PAPPA: variants seen among roughly 807,000 people sequenced by gnomAD.
PAPPA encodes the protein pappalysin 1, also known as pappalysin-1.
A neutral mutation model predicts 164.0 loss-of-function variants in PAPPA; 60 were observed. That is an observed-to-expected ratio of 0.37 (90% CI 0.30 to 0.45). PAPPA has a LOEUF of 0.45. Ranked by LOEUF, PAPPA falls within the 20% of genes least tolerant of loss-of-function variation. PAPPA has a pLI of 1.00. For synonymous variants in PAPPA, 875 were observed against 814.1 expected, an observed-to-expected ratio of 1.07 and a Z score of -1.27; for missense variants, 1,782 against 2,087.3, an observed-to-expected ratio of 0.85 and a Z score of 2.85.
intron 18 of PAPPA, among the ~76,000 whole-genome samples, chr9:116,364,693 T>C (rs1048844835): frequency 3.1e-4 from 47 of 152,164 alleles, no homozygotes; most frequent in Non-Finnish European, 5.6e-4. Context: ...TTTATTCAGA[T>C]GTCTCAACTG....
intron 4 of PAPPA, among the ~76,000 whole-genome samples, chr9:116,212,572 G>C (rs896006588): frequency 1.3e-5 from 2 of 152,152 alleles, no homozygotes; most frequent in Non-Finnish European, 2.9e-5. Context: ...TGGCAGGCCA[G>C]CATCAAATTC....
intron 16 of PAPPA, among the ~76,000 whole-genome samples, chr9:116,353,403 TG>T (rs1846309897): frequency 6.6e-6 from 1 of 152,204 alleles, no homozygotes; most frequent in Non-Finnish European, 1.5e-5. Flanking sequence ...TCAATCTACA[TG>T]TAGCTGGAAG....
intron 1 of PAPPA, among the ~76,000 whole-genome samples, chr9:116,163,994 A>T (rs1843695775): frequency 6.6e-6 from 1 of 152,212 alleles, no homozygotes; most frequent in Admixed American, 6.5e-5. Context: ...CCCCACAAAT[A>T]TCCAGAAAAC....
Position 116,211,820 on chromosome 9 carries a change from T to C in PAPPA, c.1806T>C (p.Asp602=). Residue 602 remains aspartate (D), a synonymous_variant, in exon 4 of 22, where the codon GAT becomes GAC. Coordinates refer to ENST00000328252, the MANE Select transcript of PAPPA (RefSeq NM_002581.5). Reference sequence around the variant, plus strand: ...TCGAGACTGGAGACCTCTGCAATGATACCAACCCAGCCCCTAAACACAAGT... The same window carrying C: ...TCGAGACTGGAGACCTCTGCAATGACACCAACCCAGCCCCTAAACACAAGT... ...PSFETGDLCN[D]TNPAPKHKSC... is the part of the protein sequence containing the mutation. 1.9e-6 allele frequency: 3 copies of C among 1,614,082 alleles called. No homozygotes were observed. Among genetic ancestry groups the C allele is most frequent in the Non-Finnish European group, 2.5e-6 (3 of 1,179,984 alleles).
chr9:116,337,708 GC>G (rs1158718526), intron 13 of PAPPA, among the ~76,000 whole-genome samples: 1 of 132,130 alleles, frequency 7.6e-6, no homozygotes, highest in East Asian at 2.1e-4. Flanking sequence ...TCTCTCCCCC[GC>G]CCCCCACCTT....
At position 116,334,776 on chromosome 9, in the gene PAPPA, G is replaced by T. The variant is rs910761854; in HGVS notation, c.3398-85G>T. The T allele has an allele frequency of 8.9e-4, 833 of 939,454 alleles. 9 individuals are homozygous for T. Among genetic ancestry groups the T allele is most frequent in the Non-Finnish European group, 1.5e-4 (88 of 594,066 alleles). 58.2% of individuals were successfully genotyped at this position (939,454 alleles called of 1,614,324 possible). ...GTGCAGTGACATGAAAGGGTCTGGG[G>T]GCTTCGGGAAGGGCCCGTTGGGGAG... On this transcript the variant is annotated intron_variant, in intron 12 of 21. Transcript: ENST00000328252.
Position 116,345,437 on chromosome 9 carries a change from A to G in PAPPA, c.3780+726A>G, listed in dbSNP as rs1294611129. Among the ~76,000 whole-genome samples, 9 of 7,756 alleles carry G rather than the reference A, an allele frequency of 1.2e-3. 1 individual carries two copies. The highest frequency in any genetic ancestry group is 3.7e-3 in the Non-Finnish European group (9 of 2,424). The allele number at this position is 7,756 out of a possible 152,430, so 5.1% of individuals were successfully genotyped here. On this transcript the variant is annotated intron_variant, in intron 14 of 21. Transcript: ENST00000328252. ...TAGTATGTGGAAGCACATTGATGAG[A>G]AAAAAAAAAAAAAAAACATGCCACA...
Position 116,396,645 on chromosome 9 carries a change from C to A in PAPPA, c.*29C>A. On this transcript the variant is annotated 3_prime_UTR_variant, in exon 22 of 22. Coordinates refer to ENST00000328252, the MANE Select transcript of PAPPA (RefSeq NM_002581.5). The stretch of plus-strand genomic sequence containing the variant: ...AGGACAAGAAGTTGTCAAAGAATTC[C>A]CAACGCCAGGACCCACATCCCTTTG... 1.3e-6 allele frequency: 1 copy of A among 778,154 alleles called. No homozygotes were observed. Among genetic ancestry groups the A allele is most frequent in the Non-Finnish European group, 2.4e-6 (1 of 416,484 alleles). The allele number at this position is 778,154 out of a possible 1,614,324, so 48.2% of individuals were successfully genotyped here.
At chr9:116,159,913 C>T (rs965534211) in intron 1 of PAPPA, among the ~76,000 whole-genome samples, 1 of 152,162 alleles carries the variant, frequency 6.6e-6, no homozygotes, top group Non-Finnish European at 1.5e-5. Flanking sequence ...AAACTGTATT[C>T]ACAGATGATC....
intron 7 of PAPPA, 146 bp from the exon 8 acceptor site, chr9:116,265,711 A>G (rs538884910): frequency 3.3e-6 from 2 of 600,626 alleles, no homozygotes; most frequent in East Asian, 5.5e-5. Flanking sequence ...ATAGTGGACA[A>G]TAGAAAGTAT....
chr9:116,207,745 C>T (rs1463856473), intron 3 of PAPPA, 144 bp downstream of exon 3: 6 of 612,538 alleles, frequency 9.8e-6, no homozygotes, highest in Admixed American at 3.8e-5. Flanking sequence ...TTTTAATTTA[C>T]AAAATTCTTT....
chr9:116,160,643 T>C (rs745670242), intron 1 of PAPPA, among the ~76,000 whole-genome samples: 1 of 152,214 alleles, frequency 6.6e-6, no homozygotes, highest in Non-Finnish European at 1.5e-5. Context: ...CTTATCTACC[T>C]GTGGCTGAGG....
chr9:116,279,228 C>T (rs1168235608), intron 9 of PAPPA, among the ~76,000 whole-genome samples: 1 of 152,036 alleles, frequency 6.6e-6, no homozygotes, highest in East Asian at 1.9e-4. Context: ...GAAAGGAATT[C>T]CTTTCACCCA....
At chr9:116,226,587 T>C (rs1238724264) in intron 5 of PAPPA, among the ~76,000 whole-genome samples, 1 of 152,190 alleles carries the variant, frequency 6.6e-6, no homozygotes, top group East Asian at 1.9e-4. Flanking sequence ...CAGAGGTCAC[T>C]CAGATTTGCA....
chr9:116,211,208 A>G (rs1198770602), intron 3 of PAPPA, among the ~76,000 whole-genome samples: 1 of 152,204 alleles, frequency 6.6e-6, no homozygotes, highest in African/African-American at 2.4e-5. Context: ...AACCAGAACC[A>G]AGATCTCTGA....
intron 17 of PAPPA, among the ~76,000 whole-genome samples, chr9:116,360,265 A>G (rs529541320): frequency 7.5e-5 from 11 of 146,844 alleles, no homozygotes; most frequent in Non-Finnish European, 1.4e-4. Context: ...GGGCTCTGAG[A>G]AGGAGAGTCT....
intron 21 of PAPPA, among the ~76,000 whole-genome samples, chr9:116,395,474 T>C (rs1317318591): frequency 6.6e-6 from 1 of 152,194 alleles, no homozygotes; most frequent in African/African-American, 2.4e-5. Context: ...TGGGAGGCTC[T>C]CTGGGGAAAG....
chr9:116,215,734 G>A (rs189397208), intron 4 of PAPPA, among the ~76,000 whole-genome samples: 112 of 152,240 alleles, frequency 7.4e-4, no homozygotes, highest in African/African-American at 2.7e-3. Context: ...ATGTACTCCT[G>A]AACTTAAAAT....
intron 7 of PAPPA, among the ~76,000 whole-genome samples, chr9:116,247,527 C>T (rs998849826): frequency 6.6e-6 from 1 of 152,130 alleles, no homozygotes; most frequent in African/African-American, 2.4e-5. Context: ...TTGTTATTTT[C>T]TGTTCACTCT....
Sources: allele counts gnomAD v4.1 joint callset (sites outside exome capture counted in the v4.1 genomes callset), GRCh38; gene constraint gnomAD v4.1.1; transcripts MANE v1.5; gene names NCBI Gene and HGNC (gene_info 2026-07-23, HGNC 2026-07-21).